PRDM16: variants seen among roughly 807,000 people sequenced by gnomAD.
The protein encoded by PRDM16 is PR/SET domain 16.
PRDM16 carries 23 observed loss-of-function variants against 110.6 expected under a neutral mutation model. The ratio of observed to expected loss-of-function variants is 0.21; its 90% CI spans 0.15 to 0.29. The LOEUF (loss-of-function observed/expected upper bound fraction) is 0.29. PRDM16 is among the 10% of genes least tolerant of loss of function. The pLI is 1.00. For missense variants in PRDM16, 1,615 were observed against 1,794.3 expected, an observed-to-expected ratio of 0.90 and a Z score of 1.81; for synonymous variants, 799 against 781.8, an observed-to-expected ratio of 1.02 and a Z score of -0.37.
chr1:3,090,302 G>A (rs1022680614), intron 1 of PRDM16, among the ~76,000 whole-genome samples: 3 of 152,352 alleles, frequency 2.0e-5, no homozygotes, highest in Non-Finnish European at 4.4e-5. Flanking sequence ...TTCCCGAAGC[G>A]CTTCCATCCA....
At chr1:3,319,409 G>A (rs1375712085) in intron 3 of PRDM16, among the ~76,000 whole-genome samples, 1 of 152,216 alleles carries the variant, frequency 6.6e-6, no homozygotes, top group African/African-American at 2.4e-5. Context: ...ACCATGAGCG[G>A]GTCAGTGTTT....
intron 3 of PRDM16, chr1:3,306,512 C>T (rs140749536): frequency 2.0e-5 from 3 of 152,330 alleles, no homozygotes; most frequent in Non-Finnish European, 2.9e-5. Context: ...CACAGACAGA[C>T]TTTTGTCTTA....
At chr1:3,267,233 T>C (rs920550395) in intron 3 of PRDM16, among the ~76,000 whole-genome samples, 5 of 152,174 alleles carry the variant, frequency 3.3e-5, no homozygotes, top group Admixed American at 3.3e-4. Context: ...CTGCATCTGC[T>C]CTTCTGGACA....
chr1:3,242,702 C>T (rs908950932), intron 2 of PRDM16, among the ~76,000 whole-genome samples: 3 of 152,236 alleles, frequency 2.0e-5, no homozygotes, highest in African/African-American at 7.2e-5. Flanking sequence ...AACGCCAGCT[C>T]GTCAATTGCA....
chr1:3,362,496 C>T (rs1642733187), intron 3 of PRDM16, among the ~76,000 whole-genome samples: 1 of 152,102 alleles, frequency 6.6e-6, no homozygotes, highest in Non-Finnish European at 1.5e-5. Context: ...GCCAAGACAG[C>T]TCAGCAGGGT....
At chr1:3,222,437 G>T (rs1639175476) in intron 2 of PRDM16, among the ~76,000 whole-genome samples, 2 of 152,222 alleles carry the variant, frequency 1.3e-5, no homozygotes, top group South Asian at 2.1e-4. Context: ...GAGGAGTGGG[G>T]GCTCGCAGCC....
At chr1:3,152,600 C>T (rs1643797136) in intron 1 of PRDM16, among the ~76,000 whole-genome samples, 1 of 152,234 alleles carries the variant, frequency 6.6e-6, no homozygotes, top group Admixed American at 6.5e-5. Flanking sequence ...CCTCCTATGG[C>T]AGGGAGCATG....
intron 1 of PRDM16, among the ~76,000 whole-genome samples, chr1:3,091,764 G>T (rs966075953): frequency 6.6e-6 from 1 of 152,318 alleles, no homozygotes; most frequent in East Asian, 1.9e-4. Context: ...TCGTGAGCTC[G>T]GGGTGTAGCC....
chr1:3,290,855 C>T lies in PRDM16; in HGVS notation c.438+46718C>T, dbSNP rs1371312521. 1.3e-5 allele frequency among the ~76,000 whole-genome samples: 2 copies of T among 151,756 alleles called. No individual in the cohort carries two copies. The highest frequency in any genetic ancestry group is 2.9e-5 in the Non-Finnish European group (2 of 67,992). The stretch of plus-strand genomic sequence containing the variant: ...AATGCCGCTCTGTTTGGGAAGGGCC[C>T]GGAGCACTGGGGGCCCGAGGTATCT... On this transcript the variant is annotated intron_variant, in intron 3 of 16. Transcript: ENST00000270722. The surrounding 1 kb of genome is among the most constrained non-coding windows in gnomAD (Gnocchi z 4.8).
chr1:3,133,989 C>A (rs1569645621), intron 1 of PRDM16, among the ~76,000 whole-genome samples: 1 of 152,210 alleles, frequency 6.6e-6, no homozygotes, highest in Non-Finnish European at 1.5e-5. Context: ...GTTTTACTTT[C>A]CTCCCCCAAG....
chr1:3,263,316 A>C (rs1010050287), intron 3 of PRDM16, among the ~76,000 whole-genome samples: 27 of 152,222 alleles, frequency 1.8e-4, no homozygotes, highest in Admixed American at 6.5e-4. Context: ...CCAGGTGCAG[A>C]AATATGAGGG....
intron 3 of PRDM16, among the ~76,000 whole-genome samples, chr1:3,356,231 G>A (rs940081160): frequency 2.6e-5 from 4 of 152,180 alleles, no homozygotes; most frequent in Non-Finnish European, 5.9e-5. Context: ...GCAGGCCGAC[G>A]TGTCTGGTGT....
At chr1:3,423,003 G>T (rs935207027) in intron 12 of PRDM16, among the ~76,000 whole-genome samples, 1 of 152,246 alleles carries the variant, frequency 6.6e-6, no homozygotes, top group African/African-American at 2.4e-5. Context: ...CAGGGACTTC[G>T]ATCACCAATG....
At chr1:3,410,455 T>C (rs750837086) in intron 8 of PRDM16, among the ~76,000 whole-genome samples, 10 of 152,170 alleles carry the variant, frequency 6.6e-5, no homozygotes, top group Admixed American at 2.0e-4. Flanking sequence ...TCCCTCTGCA[T>C]AGGGCTCCTG....
intron 15 of PRDM16, 113 bp from the exon 16 acceptor site, chr1:3,431,853 G>C (rs1327622044): frequency 2.2e-5 from 23 of 1,033,048 alleles, no homozygotes; most frequent in Non-Finnish European, 2.9e-5. Flanking sequence ...CATGTGGCTG[G>C]CAGAGATGCA....
chr1:3,337,051 A>G (rs2500264), intron 3 of PRDM16, among the ~76,000 whole-genome samples: 117,175 of 151,000 alleles, frequency 0.78, 45,676 homozygotes, highest in East Asian at 0.88. Context: ...ATTCATGCAC[A>G]TCTGTTGGTG....
intron 4 of PRDM16, 85 bp from the exon 5 acceptor site, chr1:3,396,406 A>C (rs576074232): frequency 2.6e-6 from 2 of 783,450 alleles, no homozygotes; most frequent in South Asian, 2.9e-5. Flanking sequence ...CTGCGTCCAC[A>C]GTGTGAGGGC....
At chr1:3,141,799 C>T (rs1342937827) in intron 1 of PRDM16, among the ~76,000 whole-genome samples, 2 of 152,252 alleles carry the variant, frequency 1.3e-5, no homozygotes. Context: ...TTTCAGGAAG[C>T]ATAGATGCAT....
intron 2 of PRDM16, among the ~76,000 whole-genome samples, chr1:3,237,565 C>A (rs1639565958): frequency 6.6e-6 from 1 of 152,162 alleles, no homozygotes; most frequent in Admixed American, 6.5e-5. Flanking sequence ...CAGTGTAGAC[C>A]AAAGGTGCTC....
Sources: gnomAD v4.1 joint callset for allele counts (sites outside exome capture counted in the v4.1 genomes callset) on GRCh38, gnomAD v4.1.1 for gene constraint, Gnocchi (gnomAD v3.1) non-coding constraint, MANE v1.5 for transcripts, NCBI Gene and HGNC (gene_info 2026-07-23, HGNC 2026-07-21) for gene names.